PLCB1: variants seen among roughly 807,000 people sequenced by gnomAD.
PLCB1 encodes 1-phosphatidylinositol 4,5-bisphosphate phosphodiesterase beta-1.
Under a neutral mutation model 161.8 loss-of-function variants are expected in PLCB1, and 46 were observed. That is an observed-to-expected ratio of 0.28 (90% CI 0.22 to 0.36). The LOEUF (loss-of-function observed/expected upper bound fraction) is 0.36, where lower values mean the gene tolerates loss of function less well. Ranked by LOEUF, PLCB1 falls within the 10% of genes least tolerant of loss-of-function variation. The pLI, the probability that PLCB1 is intolerant of heterozygous loss-of-function variation, is 1.00. For synonymous variants in PLCB1, 517 were observed against 503.7 expected, an observed-to-expected ratio of 1.03 and a Z score of -0.35; for missense variants, 1,016 against 1,472.5, an observed-to-expected ratio of 0.69 and a Z score of 5.07.
intron 27 of PLCB1, among the ~76,000 whole-genome samples, chr20:8,779,700 G>A (rs982188159): frequency 1.3e-5 from 2 of 152,110 alleles, no homozygotes; most frequent in Non-Finnish European, 2.9e-5. Flanking sequence ...GGATTCCCAG[G>A]TGTCTTGTCA....
chr20:8,379,656 A>T (rs1446794659), intron 3 of PLCB1, among the ~76,000 whole-genome samples: 2 of 152,202 alleles, frequency 1.3e-5, no homozygotes, highest in Admixed American at 6.5e-5. Context: ...GACTGGCATG[A>T]GATGGAATCT....
At chr20:8,700,438 C>T (rs1312207709) in intron 11 of PLCB1, among the ~76,000 whole-genome samples, 1 of 152,208 alleles carries the variant, frequency 6.6e-6, no homozygotes, top group African/African-American at 2.4e-5. Flanking sequence ...GAGTGACTCT[C>T]CTTGTGCACT....
chr20:8,539,802 A>G (rs1002868992), intron 3 of PLCB1, among the ~76,000 whole-genome samples: 3 of 97,568 alleles, frequency 3.1e-5, no homozygotes, highest in African/African-American at 8.0e-5. Flanking sequence ...TCTCTCTTCC[A>G]TTTGTTGTTC....
chr20:8,221,911 T>C (rs1979434388), intron 2 of PLCB1, among the ~76,000 whole-genome samples: 2 of 152,160 alleles, frequency 1.3e-5, no homozygotes, highest in South Asian at 4.1e-4. Context: ...CATCAAAATG[T>C]CTGGAAATTT....
At chr20:8,261,542 A>T (rs1028562217) in intron 2 of PLCB1, among the ~76,000 whole-genome samples, 8 of 152,168 alleles carry the variant, frequency 5.3e-5, no homozygotes, top group African/African-American at 1.7e-4. Context: ...TTTAACGTGA[A>T]ATGAACGTGA....
intron 2 of PLCB1, among the ~76,000 whole-genome samples, chr20:8,336,109 T>C (rs112659717): frequency 9.1e-4 from 139 of 152,252 alleles, no homozygotes; most frequent in African/African-American, 3.2e-3. Flanking sequence ...TGAGGAAGAA[T>C]TCCTAAAACT....
At chr20:8,688,925 T>A (rs569461819) in intron 10 of PLCB1, among the ~76,000 whole-genome samples, 2 of 152,230 alleles carry the variant, frequency 1.3e-5, no homozygotes, top group South Asian at 4.1e-4. Context: ...AATTTGTAGA[T>A]TGCTTTTGGC....
At chr20:8,867,551 A>AT (rs923297645) in intron 31 of PLCB1, among the ~76,000 whole-genome samples, 1 of 151,946 alleles carries the variant, frequency 6.6e-6, no homozygotes, top group African/African-American at 2.4e-5. Flanking sequence ...GCTTTTATTG[A>AT]TTTTTTTTCA....
At chr20:8,335,917 C>T (rs1000417597) in intron 2 of PLCB1, among the ~76,000 whole-genome samples, 4 of 152,082 alleles carry the variant, frequency 2.6e-5, no homozygotes, top group East Asian at 3.9e-4. Context: ...CCTACAATAA[C>T]GCTGGTCAGG....
At chr20:8,705,853 GA>G (rs1024007355) in intron 11 of PLCB1, among the ~76,000 whole-genome samples, 13 of 152,128 alleles carry the variant, frequency 8.5e-5, no homozygotes, top group Admixed American at 5.2e-4. Context: ...TTATGATAAT[GA>G]ATTTGGATTT....
rs765066861 is a variant in PLCB1, at chr20:8,881,720, T to G, written c.3522T>G (p.Ser1174Arg). Residue 1174 changes from serine to arginine, a missense_variant, in exon 32 of 32, where the codon AGT becomes AGG. By Grantham distance (110) the Ser-to-Arg change is moderately radical. This residue lies in a region of PLCB1 where 398 missense variants were observed against 445.4 expected (regional missense o/e 0.89). Transcript: ENST00000338037. ...FVQEAMKGKI[S>R]EDSNHGSAPL... Reference sequence around the variant, plus strand: ...AGGAAGCCATGAAAGGAAAGATCAGTGAAGACAGCAATCACGGTTCTGCCC... The same window carrying G: ...AGGAAGCCATGAAAGGAAAGATCAGGGAAGACAGCAATCACGGTTCTGCCC... 3.7e-6 allele frequency: 6 copies of G among 1,613,916 alleles called. No individual in the cohort carries two copies. The Admixed American group carries it at 6.7e-5, about 18-fold the overall frequency.
intron 10 of PLCB1, among the ~76,000 whole-genome samples, chr20:8,691,460 G>A (rs6077408): frequency 0.58 from 88,133 of 151,864 alleles, 27,087 homozygotes; most frequent in South Asian, 0.71. Context: ...AGGTGCAAAG[G>A]AAGGTTAGCA....
chr20:8,533,620 G>A (rs777846447), intron 3 of PLCB1, among the ~76,000 whole-genome samples: 9,858 of 150,562 alleles, frequency 0.065, 399 homozygotes, highest in Non-Finnish European at 0.088. Flanking sequence ...GCCAGTGATG[G>A]TGAGCATTTT....
intron 3 of PLCB1, among the ~76,000 whole-genome samples, chr20:8,484,651 T>G (rs1341356546): frequency 6.6e-6 from 1 of 152,188 alleles, no homozygotes; most frequent in Non-Finnish European, 1.5e-5. Context: ...CCTGCTAGCT[T>G]CTTCTTTCTT....
intron 2 of PLCB1, among the ~76,000 whole-genome samples, chr20:8,231,030 TCTC>T (rs1980003157): frequency 6.6e-6 from 1 of 151,892 alleles, no homozygotes. Context: ...TCCATTCACC[TCTC>T]CATAATCTTC....
At chr20:8,737,388 T>C (rs1238347318) in intron 20 of PLCB1, among the ~76,000 whole-genome samples, 196 bp downstream of exon 20, 1 of 152,208 alleles carries the variant, frequency 6.6e-6, no homozygotes, top group African/African-American at 2.4e-5. Context: ...AGAATTGTAT[T>C]GTAAATCAAT....
chr20:8,540,365 A>G (rs1985261983), intron 3 of PLCB1, among the ~76,000 whole-genome samples: 2 of 152,234 alleles, frequency 1.3e-5, no homozygotes, highest in Non-Finnish European at 2.9e-5. Flanking sequence ...TCTCATTGGC[A>G]GCTCACTACG....
At chr20:8,273,158 G>A (rs2749968) in intron 2 of PLCB1, among the ~76,000 whole-genome samples, 74,913 of 151,932 alleles carry the variant, frequency 0.49, 19,064 homozygotes, top group African/African-American at 0.62. Flanking sequence ...ACCCTTTGGA[G>A]ATAATCATCA....
chr20:8,693,624 C>T (rs4319991), intron 10 of PLCB1, among the ~76,000 whole-genome samples: 3 of 152,122 alleles, frequency 2.0e-5, no homozygotes, highest in African/African-American at 4.8e-5. Context: ...CATTCTGGAA[C>T]CTTCTTACCC....
Sources: allele counts gnomAD v4.1 joint callset (sites outside exome capture counted in the v4.1 genomes callset), GRCh38; gene constraint gnomAD v4.1.1; regional missense constraint gnomAD v4.1.1; transcripts MANE v1.5; gene names NCBI Gene and HGNC (gene_info 2026-07-23, HGNC 2026-07-21).